The following ADAM19 variants were observed in gnomAD, a reference collection of about 807,000 sequenced individuals.
ADAM19 encodes disintegrin and metalloproteinase domain-containing protein 19.
ADAM19 carries 65 observed loss-of-function variants against 114.7 expected under a neutral mutation model. That is an observed-to-expected ratio of 0.57 (90% CI 0.46 to 0.70). The LOEUF is 0.70. ADAM19 is among the 30% of genes least tolerant of loss of function. The pLI is 0.00. For missense variants in ADAM19, 1,063 were observed against 1,204.7 expected, an observed-to-expected ratio of 0.88 and a Z score of 1.74; for synonymous variants, 466 against 460.5, an observed-to-expected ratio of 1.01 and a Z score of -0.15.
Position 157,573,206 on chromosome 5 carries a change from CATAGTACATGTTAAG to C in ADAM19, c.95-2241_95-2227del, listed in dbSNP as rs1396831363. On this transcript the variant is annotated intron_variant, in intron 1 of 22. Coordinates refer to ENST00000257527, the MANE Select transcript of ADAM19 (RefSeq NM_033274.5). Reference sequence around the variant, plus strand: ...ATCTAAAATCTCACCAAAAGAGGAACATAGTACATGTTAAGAAAAGGTCTCCAAAACTTGGAAATA... The same window carrying C: ...ATCTAAAATCTCACCAAAAGAGGAACAAAAGGTCTCCAAAACTTGGAAATA... Among the ~76,000 whole-genome samples, 5 of 152,254 alleles carry C rather than the reference CATAGTACATGTTAAG, an allele frequency of 3.3e-5. No homozygotes were observed. The East Asian group carries it at 9.6e-4, about 29-fold the overall frequency.
At chr5:157,545,734 C>A (rs1757031437) in intron 3 of ADAM19, among the ~76,000 whole-genome samples, 1 of 152,204 alleles carries the variant, frequency 6.6e-6, no homozygotes, top group Admixed American at 6.5e-5. Flanking sequence ...TTTCAATAAA[C>A]TAGAGTAAGC....
At position 157,518,077 on chromosome 5, in the gene ADAM19, T is replaced by C. The variant is rs554836789; in HGVS notation, c.666+746A>G. ...TTTGGCATCAACATGATTATAAAAA[T>C]GGACCCACACATGGGCAAGAATACA... On this transcript the variant is annotated intron_variant, in intron 7 of 22. Coordinates refer to ENST00000257527, the MANE Select transcript of ADAM19 (RefSeq NM_033274.5). 1.3e-4 allele frequency among the ~76,000 whole-genome samples: 20 copies of C among 152,186 alleles called. 1 individual carries two copies. In the South Asian group the frequency reaches 4.1e-3, roughly 32 times the overall value.
intron 21 of ADAM19, among the ~76,000 whole-genome samples, chr5:157,483,274 A>C (rs1026392162): frequency 2.6e-5 from 4 of 152,202 alleles, no homozygotes; most frequent in African/African-American, 9.7e-5. Context: ...TATGTTAGAG[A>C]ACTATTTGCA....
intron 3 of ADAM19, among the ~76,000 whole-genome samples, chr5:157,560,538 T>C (rs1757484160): frequency 6.6e-6 from 1 of 152,228 alleles, no homozygotes; most frequent in South Asian, 2.1e-4. Context: ...CAATGTAATA[T>C]ATACTTTATT....
intron 3 of ADAM19, among the ~76,000 whole-genome samples, chr5:157,551,161 T>C (rs1053133729): frequency 6.6e-6 from 1 of 151,998 alleles, no homozygotes; most frequent in African/African-American, 2.4e-5. Flanking sequence ...TCCCAGCACT[T>C]TGGGAAGCCG....
intron 19 of ADAM19, 81 bp from the exon 20 acceptor site, chr5:157,489,267 C>A: frequency 9.9e-7 from 1 of 1,006,088 alleles, no homozygotes; most frequent in Non-Finnish European, 1.6e-6. Flanking sequence ...TTGACCCAAG[C>A]ACGGCCAGCA....
Position 157,505,804 on chromosome 5 carries a change from T to C in ADAM19, c.995A>G (p.His332Arg). The C allele has an allele frequency of 6.2e-7, 1 of 1,613,866 alleles. No individual in the cohort carries two copies. The highest frequency in any genetic ancestry group is 8.5e-7 in the Non-Finnish European group (1 of 1,179,936). The change falls in exon 11 of 23, where the codon CAC becomes CGC. Residue 332 changes from histidine to arginine, a missense_variant. By Grantham distance (29) the His-to-Arg change is conservative (BLOSUM62 0). This residue lies in a region of ADAM19 where 615 missense variants were observed against 706.3 expected (regional missense o/e 0.87). Coordinates refer to ENST00000257527, the MANE Select transcript of ADAM19 (RefSeq NM_033274.5). The stretch of plus-strand genomic sequence containing the variant: ...AGCCACGCCAATGGCATTCTCGGAG[T>C]GGTCCTGCTCAGAAGACAGAGTTGA... ...VYQSGGVNMD[H>R]SENAIGVAAT...
At chr5:157,500,114 TCGTCACTAAGCTA>T in intron 12 of ADAM19, among the ~76,000 whole-genome samples, 1 of 152,284 alleles carries the variant, frequency 6.6e-6, no homozygotes, top group Admixed American at 6.5e-5. Context: ...TGTGACAGCT[TCGTCACTAAGCTA>T]ATGTGTACTT....
At chr5:157,511,802 A>C (rs1755930627) in intron 8 of ADAM19, among the ~76,000 whole-genome samples, 1 of 152,254 alleles carries the variant, frequency 6.6e-6, no homozygotes, top group Admixed American at 6.5e-5. Flanking sequence ...CTTACCCGCC[A>C]GGAGTGACTA....
Position 157,479,922 on chromosome 5 carries a change from G to C in ADAM19, c.*1027C>G, listed in dbSNP as rs751532095. 28 of 985,772 alleles carry C rather than the reference G, an allele frequency of 2.8e-5. No homozygotes were observed. Among genetic ancestry groups the C allele is most frequent in the Admixed American group, 1.2e-4 (2 of 16,262 alleles). The allele number at this position is 985,772 out of a possible 1,614,324, so 61.1% of individuals were successfully genotyped here. On this transcript the variant is annotated 3_prime_UTR_variant, in exon 23 of 23. Coordinates refer to ENST00000257527, the MANE Select transcript of ADAM19 (RefSeq NM_033274.5). Reference sequence around the variant, plus strand: ...GAGTAAGGAGGAAGACCCCCACCCTGCTGAGGTCACAAAACACAATGAAAA... The same window carrying C: ...GAGTAAGGAGGAAGACCCCCACCCTCCTGAGGTCACAAAACACAATGAAAA...
chr5:157,554,726 T>C (rs1470261059), intron 3 of ADAM19, among the ~76,000 whole-genome samples: 1 of 152,248 alleles, frequency 6.6e-6, no homozygotes, highest in East Asian at 1.9e-4. Context: ...CTATTTATTG[T>C]GCTCTCATAG....
chr5:157,526,096 GA>G (rs1023100299), intron 5 of ADAM19, among the ~76,000 whole-genome samples: 1 of 150,626 alleles, frequency 6.6e-6, no homozygotes, highest in Non-Finnish European at 1.5e-5. Context: ...GCTTAAGTTG[GA>G]AAAAAAATAC....
At chr5:157,489,223 C>T (rs368399855) in intron 19 of ADAM19, 37 bp from the exon 20 acceptor site, 22 of 1,488,036 alleles carry the variant, frequency 1.5e-5, no homozygotes, top group South Asian at 8.0e-5. Flanking sequence ...AGAAAGGGGA[C>T]GATGTTCAGC....
At chr5:157,488,922 T>C (rs1010390521) in intron 20 of ADAM19, among the ~76,000 whole-genome samples, 180 bp downstream of exon 20, 20 of 151,916 alleles carry the variant, frequency 1.3e-4, no homozygotes, top group African/African-American at 4.8e-4. Context: ...CCCAGCTAAT[T>C]GGGAGGCTGA....
intron 11 of ADAM19, 118 bp from the exon 12 acceptor site, chr5:157,503,098 C>T: frequency 1.2e-6 from 1 of 813,146 alleles, no homozygotes; most frequent in Non-Finnish European, 2.0e-6. Context: ...GTTCAGACCC[C>T]CATTGTCTCA....
intron 3 of ADAM19, among the ~76,000 whole-genome samples, chr5:157,563,413 T>C (rs188401509): frequency 2.0e-5 from 3 of 152,346 alleles, no homozygotes; most frequent in East Asian, 1.9e-4. Context: ...GAATAAATTA[T>C]ATTCTCCCTT....
intron 7 of ADAM19, among the ~76,000 whole-genome samples, chr5:157,514,299 T>G (rs1301894522): frequency 2.6e-5 from 4 of 151,610 alleles, no homozygotes; most frequent in African/African-American, 9.7e-5. Flanking sequence ...AGAAGAATTA[T>G]GAGACTGCAT....
intron 1 of ADAM19, 43 bp from the exon 2 acceptor site, chr5:157,571,023 A>C: frequency 1.3e-6 from 2 of 1,565,848 alleles, no homozygotes; most frequent in Non-Finnish European, 1.8e-6. Flanking sequence ...CCAGACCTCT[A>C]TACCCCAGCT....
chr5:157,561,339 G>C (rs1268229398), intron 3 of ADAM19, among the ~76,000 whole-genome samples: 1 of 152,198 alleles, frequency 6.6e-6, no homozygotes, highest in African/African-American at 2.4e-5. Flanking sequence ...ATCTCTCCAT[G>C]TGTGAATTCC....
Sources: allele counts gnomAD v4.1 joint callset (sites outside exome capture counted in the v4.1 genomes callset), GRCh38; gene constraint gnomAD v4.1.1; regional missense constraint gnomAD v4.1.1; transcripts MANE v1.5; gene names NCBI Gene and HGNC (gene_info 2026-07-23, HGNC 2026-07-21).